CNTN1: variants seen among roughly 807,000 people sequenced by gnomAD.
CNTN1 encodes the protein contactin-1.
CNTN1 carries 38 observed loss-of-function variants against 126.4 expected under a neutral mutation model. The ratio of observed to expected loss-of-function variants is 0.30; its 90% CI spans 0.23 to 0.39. The LOEUF is 0.39. Among genes scored for constraint, CNTN1 ranks in the 10% least tolerant of loss-of-function variants. The probability of loss-of-function intolerance (pLI) is 1.00; values close to 1 mark genes in which losing one functional copy is unlikely to be tolerated. For synonymous variants in CNTN1, 413 were observed against 422.6 expected, an observed-to-expected ratio of 0.98 and a Z score of 0.28; for missense variants, 1,009 against 1,248.4, an observed-to-expected ratio of 0.81 and a Z score of 2.89.
chr12:40,973,244 C>T (rs1364383424), intron 15 of CNTN1, among the ~76,000 whole-genome samples: 3 of 152,082 alleles, frequency 2.0e-5, no homozygotes, highest in Non-Finnish European at 4.4e-5. Context: ...GATTCAGCTT[C>T]ATCTTAGTAC....
At position 41,051,554 on chromosome 12, in the gene CNTN1, CA is replaced by C. The variant is rs201529582; in HGVS notation, c.2981-18397del. ...TAAAAATAAAGTAGAGAAACAAAAC[CA>C]AAAAAAATACACAAAATCTACTATT... On this transcript the variant is annotated intron_variant, in intron 23 of 23. Coordinates refer to ENST00000551295, the MANE Select transcript of CNTN1 (RefSeq NM_001843.4). Among the ~76,000 whole-genome samples, 172 of 150,058 alleles carry C rather than the reference CA, an allele frequency of 1.1e-3. 4 individuals carry two copies. In the East Asian group the frequency reaches 0.03, roughly 27 times the overall value.
At chr12:40,696,308 C>T (rs1249655051) in intron 1 of CNTN1, among the ~76,000 whole-genome samples, 1 of 152,268 alleles carries the variant, frequency 6.6e-6, no homozygotes, top group East Asian at 1.9e-4. Flanking sequence ...TTAAGACTTT[C>T]TTTCCTCTAG....
intron 1 of CNTN1, among the ~76,000 whole-genome samples, chr12:40,728,272 T>C (rs974390127): frequency 3.9e-5 from 6 of 152,282 alleles, no homozygotes; most frequent in Middle Eastern, 3.4e-3. Context: ...CTCCAGGACA[T>C]TCTTAAGTAT....
At chr12:40,872,571 CTT>C (rs35866838) in intron 1 of CNTN1, among the ~76,000 whole-genome samples, 4 of 108,628 alleles carry the variant, frequency 3.7e-5, no homozygotes, top group East Asian at 2.6e-4. Context: ...TTTTTTCTTT[CTT>C]TTTTTTTTTT....
At chr12:40,898,257 T>C (rs1157460884) in intron 1 of CNTN1, among the ~76,000 whole-genome samples, 1 of 152,166 alleles carries the variant, frequency 6.6e-6, no homozygotes, top group Non-Finnish European at 1.5e-5. Context: ...CTCTTTGATT[T>C]ACCAGTACTT....
chr12:40,824,314 A>G (rs1470930035), intron 1 of CNTN1, among the ~76,000 whole-genome samples: 1 of 151,990 alleles, frequency 6.6e-6, no homozygotes, highest in Non-Finnish European at 1.5e-5. Context: ...CCCTCCCTAA[A>G]AATGCATGTG....
At chr12:40,754,846 T>C (rs1247541634) in intron 1 of CNTN1, among the ~76,000 whole-genome samples, 1 of 151,986 alleles carries the variant, frequency 6.6e-6, no homozygotes, top group Non-Finnish European at 1.5e-5. Flanking sequence ...TTAGTACCAT[T>C]TTCAATATCG....
rs1327837654 is a variant in CNTN1, at chr12:40,827,188, TTC to T, written c.-76-81168_-76-81167del. 2.3e-3 allele frequency among the ~76,000 whole-genome samples: 345 copies of T among 151,536 alleles called. 1 individual carries two copies. Among genetic ancestry groups the T allele is most frequent in the African/African-American group, 7.8e-3 (319 of 41,036 alleles). ...TTTGTTTTAAAGCCTGTTTTTTTTT[TTC>T]AGGCAATGAAAACAATGCTGTGTTC... On this transcript the variant is annotated intron_variant, in intron 1 of 23. Transcript: ENST00000551295.
At chr12:40,946,237 C>T (rs1348085094) in intron 14 of CNTN1, among the ~76,000 whole-genome samples, 2 of 152,054 alleles carry the variant, frequency 1.3e-5, no homozygotes, top group East Asian at 1.9e-4. Context: ...TAAGTAAAAA[C>T]GCTATAAATA....
intron 16 of CNTN1, among the ~76,000 whole-genome samples, chr12:40,983,753 AT>A (rs1379575174): frequency 6.8e-6 from 1 of 147,688 alleles, no homozygotes; most frequent in African/African-American, 2.5e-5. Context: ...ACTATATATT[AT>A]ATTACTATAT....
At chr12:41,032,453 G>C (rs1001844682) in intron 23 of CNTN1, among the ~76,000 whole-genome samples, 1 of 151,952 alleles carries the variant, frequency 6.6e-6, no homozygotes, top group South Asian at 2.1e-4. Context: ...GCCTATAGTG[G>C]TCTATATAAT....
chr12:41,028,761 G>T (rs1339773213), intron 22 of CNTN1, among the ~76,000 whole-genome samples: 3 of 151,926 alleles, frequency 2.0e-5, no homozygotes, highest in African/African-American at 7.3e-5. Context: ...TCTCATTTTG[G>T]ACTTTTTTCT....
At chr12:40,813,061 T>TTCTTTCTTTCTTTCTTTCTTTCTA (rs1941138114) in intron 1 of CNTN1, among the ~76,000 whole-genome samples, 1 of 117,336 alleles carries the variant, frequency 8.5e-6, no homozygotes, top group Non-Finnish European at 1.8e-5. Context: ...CTTTCTTTCT[T>TTCTTTCTTTCTTTCTTTCTTTCTA]CCTTCCTTCC....
intron 1 of CNTN1, among the ~76,000 whole-genome samples, chr12:40,753,358 A>T (rs1455193215): frequency 1.3e-5 from 2 of 152,116 alleles, no homozygotes; most frequent in African/African-American, 4.8e-5. Context: ...TTATTCTCCT[A>T]TCTTATCATT....
chr12:40,750,987 T>G (rs1938385896), intron 1 of CNTN1, among the ~76,000 whole-genome samples: 2 of 152,062 alleles, frequency 1.3e-5, no homozygotes, highest in Non-Finnish European at 2.9e-5. Context: ...TTTCATTATT[T>G]GTTTAAATAA....
chr12:40,933,581 A>G (rs778449042), intron 8 of CNTN1, 21 bp downstream of exon 8: 1 of 1,538,894 alleles, frequency 6.5e-7, no homozygotes, highest in East Asian at 2.3e-5. Context: ...TGACACTTTT[A>G]TTAATATATA....
At chr12:40,781,488 C>T (rs2136450370) in intron 1 of CNTN1, among the ~76,000 whole-genome samples, 1 of 152,012 alleles carries the variant, frequency 6.6e-6, no homozygotes, top group Non-Finnish European at 1.5e-5. Context: ...CTAAGGGTTC[C>T]ATGGGAGACA....
chr12:41,002,772 T>C (rs890791199), intron 17 of CNTN1, among the ~76,000 whole-genome samples: 10 of 152,006 alleles, frequency 6.6e-5, no homozygotes, highest in Non-Finnish European at 5.9e-5. Context: ...TTAGCCAGTG[T>C]GGTCTCGATC....
intron 15 of CNTN1, among the ~76,000 whole-genome samples, chr12:40,973,377 A>G (rs1947580314): frequency 6.6e-6 from 1 of 152,102 alleles, no homozygotes; most frequent in African/African-American, 2.4e-5. Flanking sequence ...AGACTTTGAC[A>G]TTCCTTGGCG....
Sources: gnomAD v4.1 joint callset for allele counts (sites outside exome capture counted in the v4.1 genomes callset) on GRCh38, gnomAD v4.1.1 for gene constraint, MANE v1.5 for transcripts, NCBI Gene and HGNC (gene_info 2026-07-23, HGNC 2026-07-21) for gene names.